Variants in IMPG1 observed in about 807,000 individuals in gnomAD.
IMPG1 encodes interphotoreceptor matrix proteoglycan 1, also known as interphotoreceptor matrix proteoglycan of 150 kDa.
A neutral mutation model predicts 92.0 loss-of-function variants in IMPG1; 85 were observed. The observed-to-expected ratio is 0.92, with a 90% confidence interval of 0.78 to 1.11. The LOEUF (loss-of-function observed/expected upper bound fraction) is 1.11. IMPG1 is among the 50% of genes least tolerant of loss of function. IMPG1 has a pLI of 0.00. For missense variants in IMPG1, 1,022 were observed against 956.0 expected, an observed-to-expected ratio of 1.07 and a Z score of -0.91; for synonymous variants, 367 against 334.1, an observed-to-expected ratio of 1.10 and a Z score of -1.08.
chr6:75,974,351 C>T (rs1044316214), intron 12 of IMPG1, among the ~76,000 whole-genome samples: 2 of 105,684 alleles, frequency 1.9e-5, no homozygotes, highest in Admixed American at 1.1e-4. Context: ...TTCTTTCTTT[C>T]TTTCTTTCTT....
At chr6:76,018,299 T>G (rs1783329903) in intron 7 of IMPG1, among the ~76,000 whole-genome samples, 1 of 152,194 alleles carries the variant, frequency 6.6e-6, no homozygotes, top group Non-Finnish European at 1.5e-5. Context: ...AAAAGTTATG[T>G]GAATGTGGTC....
At chr6:75,990,680 G>A (rs1033898307) in intron 12 of IMPG1, among the ~76,000 whole-genome samples, 2 of 151,822 alleles carry the variant, frequency 1.3e-5, no homozygotes, top group Admixed American at 1.3e-4. Flanking sequence ...GATGTGACCC[G>A]TCACTTTGAG....
chr6:75,934,939 G>C (rs1403261763), intron 14 of IMPG1: 7 of 471,394 alleles, frequency 1.5e-5, no homozygotes, highest in Non-Finnish European at 3.1e-5. Flanking sequence ...GACAGAAAGT[G>C]ATACATCTCC....
At chr6:75,930,295 G>A (rs985110540) in intron 15 of IMPG1, among the ~76,000 whole-genome samples, 4 of 152,100 alleles carry the variant, frequency 2.6e-5, no homozygotes, top group Admixed American at 2.0e-4. Flanking sequence ...ATGACATGGG[G>A]AAACATTCTA....
intron 4 of IMPG1, among the ~76,000 whole-genome samples, chr6:76,032,803 C>T (rs187530282): frequency 3.2e-4 from 49 of 151,968 alleles, no homozygotes; most frequent in African/African-American, 9.2e-4. Flanking sequence ...GGTCAGAATC[C>T]GAGTGAGTAG....
At chr6:76,005,702 A>G (rs1390184913) in intron 9 of IMPG1, among the ~76,000 whole-genome samples, 168 bp from the exon 10 acceptor site, 1 of 152,240 alleles carries the variant, frequency 6.6e-6, no homozygotes, top group Non-Finnish European at 1.5e-5. Context: ...GAAACTTAAA[A>G]TATGAAAAAA....
intron 12 of IMPG1, among the ~76,000 whole-genome samples, chr6:75,966,975 C>T (rs1424315059): frequency 3.9e-5 from 6 of 152,038 alleles, no homozygotes; most frequent in Admixed American, 6.6e-5. Context: ...GTCAGGAGTT[C>T]GAGACTAGCC....
chr6:76,015,196 T>A (rs1673937979), intron 7 of IMPG1, among the ~76,000 whole-genome samples: 1 of 152,184 alleles, frequency 6.6e-6, no homozygotes, highest in South Asian at 2.1e-4. Flanking sequence ...AATTGCTCAT[T>A]AGGTTTATTG....
chr6:75,924,704 A>AT (rs1781514359), intron 15 of IMPG1, among the ~76,000 whole-genome samples: 1 of 3,596 alleles, frequency 2.8e-4, no homozygotes, highest in African/African-American at 6.9e-4. Context: ...ATAATTATAT[A>AT]TAATATATAA....
chr6:75,940,550 T>C (rs906758908), intron 14 of IMPG1, among the ~76,000 whole-genome samples: 2 of 152,210 alleles, frequency 1.3e-5, no homozygotes, highest in African/African-American at 4.8e-5. Flanking sequence ...TTAAGGACTG[T>C]CTAGCACTTA....
rs1783343463 is a variant in IMPG1 at position 76,018,753 on chromosome 6, A to G, written c.772T>C (p.Tyr258His). ...KAELADSQSP[Y>H]YQELAGKSQL... ...GACTTTCCTGCTAGCTCCTGGTAAT[A>G]TGGGGACTGGGAGTCAGCGAGCTCT... Residue 258 changes from tyrosine (Y) to histidine (H), a missense_variant, in exon 7 of 17, where the codon TAT becomes CAT. By Grantham distance (83) the Tyr-to-His change is moderately conservative. Around this residue, in one of 3 missense-constraint regions of IMPG1, gnomAD observed 681 missense variants for 583.6 expected, o/e 1.17. Coordinates refer to ENST00000369950, the MANE Select transcript of IMPG1 (RefSeq NM_001563.4). 6.2e-7 allele frequency: 1 copy of G among 1,613,386 alleles called. No homozygotes were observed. The highest frequency in any genetic ancestry group is 1.1e-5 in the South Asian group (1 of 90,978).
chr6:75,925,822 C>T (rs146944809), intron 15 of IMPG1, among the ~76,000 whole-genome samples: 226 of 152,174 alleles, frequency 1.5e-3, no homozygotes, highest in African/African-American at 4.5e-3. Flanking sequence ...CATGCCACCA[C>T]GCCCAGTTAA....
In IMPG1 at chr6:75,922,111, TG is replaced by T; in HGVS notation, c.2371del (p.His791IlefsTer10). 7.4e-7 allele frequency: 1 copy of T among 1,357,862 alleles called. No individual in the cohort carries two copies. The highest frequency in any genetic ancestry group is 1.0e-6 in the Non-Finnish European group (1 of 958,316). The allele number at this position is 1,357,862 out of a possible 1,614,324, so 84.1% of individuals were successfully genotyped here. On this transcript the variant is annotated frameshift_variant, in exon 17 of 17. Coordinates refer to ENST00000369950, the MANE Select transcript of IMPG1 (RefSeq NM_001563.4). LOFTEE classifies it high-confidence loss of function. ...TTTTTAATTTCCTTCCCAATCTTGA[TG>T]GTTAAATTCTTCATATTCTACGGTC... is the stretch of plus-strand genomic sequence containing the variant. The part of the protein sequence containing the change: ...LLTVEYEEFN[H>X]QDWEGN
At chr6:76,013,396 C>T (rs1301685166) in intron 7 of IMPG1, among the ~76,000 whole-genome samples, 1 of 152,082 alleles carries the variant, frequency 6.6e-6, no homozygotes, top group African/African-American at 2.4e-5. Flanking sequence ...TCTTCAAGTT[C>T]CTATGAATTA....
chr6:75,951,684 T>G (rs9343340), intron 12 of IMPG1, among the ~76,000 whole-genome samples: 15,028 of 152,222 alleles, frequency 0.099, 1,045 homozygotes, highest in East Asian at 0.34. Flanking sequence ...TTGAATAGCT[T>G]GTCAATTTGC....
chr6:75,986,521 C>T (rs1308867579), intron 12 of IMPG1, among the ~76,000 whole-genome samples: 1 of 152,056 alleles, frequency 6.6e-6, no homozygotes, highest in Non-Finnish European at 1.5e-5. Context: ...CAGAAAGATA[C>T]TTTATTGCTG....
chr6:76,002,947 G>C lies in IMPG1; in HGVS notation c.1262C>G (p.Thr421Arg). The change falls in exon 12 of 17, where the codon ACA becomes AGA. Residue 421 changes from threonine to arginine, a missense_variant. Thr to Arg is a moderately conservative substitution (Grantham distance 71, BLOSUM62 -1). This residue lies in a region of IMPG1 where 681 missense variants were observed against 583.6 expected (regional missense o/e 1.17). Coordinates refer to ENST00000369950, the MANE Select transcript of IMPG1 (RefSeq NM_001563.4). ...TAGACCATGCTCTGCTCCGTCCACT[G>C]TCTCAAGCTGGGGTTCAACAGGAGG... ...ELPPVEPQLE[T>R]VDGAEHGLPD... The C allele has an allele frequency of 1.2e-6, 2 of 1,613,696 alleles. No individual in the cohort carries two copies. The highest frequency in any genetic ancestry group is 1.7e-6 in the Non-Finnish European group (2 of 1,179,692).
intron 12 of IMPG1, among the ~76,000 whole-genome samples, chr6:75,968,665 C>A (rs1782351923): frequency 6.6e-6 from 1 of 151,784 alleles, no homozygotes; most frequent in Non-Finnish European, 1.5e-5. Flanking sequence ...ATTATTTAGC[C>A]TCTCAACATA....
rs138164624 is a variant in IMPG1 at position 75,967,177 on chromosome 6, T to TA, written c.1292-16084dup. 0.019 allele frequency among the ~76,000 whole-genome samples: 2,815 copies of TA among 148,174 alleles called. 137 individuals carry two copies. In the East Asian group the frequency reaches 0.21, roughly 11 times the overall value. On this transcript the variant is annotated intron_variant, in intron 12 of 16. Coordinates refer to ENST00000369950, the MANE Select transcript of IMPG1 (RefSeq NM_001563.4). The stretch of plus-strand genomic sequence containing the variant: ...TGGGTGACAAGAGCAAGACTTCTTA[T>TA]AAAAAAAAAATGGAATTTAGAGGCC...
Sources: allele counts gnomAD v4.1 joint callset (sites outside exome capture counted in the v4.1 genomes callset), GRCh38; gene constraint gnomAD v4.1.1; regional missense constraint gnomAD v4.1.1; transcripts MANE v1.5; gene names NCBI Gene and HGNC (gene_info 2026-07-23, HGNC 2026-07-21).